Variants in AFF3 observed in about 807,000 individuals in gnomAD.
AFF3 encodes the protein AF4/FMR2 family member 3.
A neutral mutation model predicts 129.7 loss-of-function variants in AFF3; 32 were observed. The ratio of observed to expected loss-of-function variants is 0.25; its 90% CI spans 0.19 to 0.33. The LOEUF is 0.33. Among genes scored for constraint, AFF3 ranks in the 10% least tolerant of loss-of-function variants. AFF3 has a pLI of 1.00. For missense variants in AFF3, 1,373 were observed against 1,592.0 expected (o/e 0.86, Z 2.34); for synonymous variants, 644 against 635.4 (o/e 1.01, Z -0.20).
intron 7 of AFF3, among the ~76,000 whole-genome samples, chr2:99,991,061 C>A (rs796106021): frequency 3.9e-5 from 6 of 152,246 alleles, no homozygotes; most frequent in African/African-American, 1.4e-4. Flanking sequence ...ACCCGTGGAA[C>A]CATCATGTTC....
chr2:99,978,543 T>C (rs72953796), intron 7 of AFF3, among the ~76,000 whole-genome samples: 1,858 of 151,986 alleles, frequency 0.012, 30 homozygotes, highest in African/African-American at 0.042. Context: ...AACATCATTC[T>C]CCCCCCAGAC....
intron 7 of AFF3, among the ~76,000 whole-genome samples, chr2:99,935,205 C>G (rs1351170481): frequency 6.6e-6 from 1 of 152,186 alleles, no homozygotes; most frequent in Non-Finnish European, 1.5e-5. Context: ...GAATCCCTGT[C>G]AACATGGTAT....
At chr2:99,553,586 C>G (rs1208307577) in intron 24 of AFF3, among the ~76,000 whole-genome samples, 2 of 152,004 alleles carry the variant, frequency 1.3e-5, no homozygotes, top group Non-Finnish European at 2.9e-5. Flanking sequence ...TGTTGACCCC[C>G]AAATTTTATT....
chr2:99,729,689 G>A (rs573160680), intron 10 of AFF3, among the ~76,000 whole-genome samples: 2 of 152,114 alleles, frequency 1.3e-5, no homozygotes, highest in African/African-American at 4.8e-5. Context: ...AATGATGAAT[G>A]TAATGGAACA....
intron 8 of AFF3, among the ~76,000 whole-genome samples, chr2:99,770,046 C>T (rs969662834): frequency 2.0e-5 from 3 of 152,208 alleles, no homozygotes; most frequent in Admixed American, 6.5e-5. Context: ...GACGGTGAAG[C>T]CAGCTGGGTT....
intron 4 of AFF3, among the ~76,000 whole-genome samples, chr2:100,033,608 C>T (rs950873135): frequency 1.3e-5 from 2 of 152,012 alleles, no homozygotes; most frequent in Non-Finnish European, 2.9e-5. Flanking sequence ...GAAGAGGAAA[C>T]AATATAGAAT....
intron 8 of AFF3, among the ~76,000 whole-genome samples, chr2:99,805,882 G>A (rs562980349): frequency 1.3e-5 from 2 of 149,740 alleles, no homozygotes; most frequent in South Asian, 2.1e-4. Context: ...CTCTTTTCAT[G>A]GAACAGGATG....
Position 99,560,451 on chromosome 2 carries a change from G to C in AFF3, c.3120-15C>G. 6.2e-7 allele frequency: 1 copy of C among 1,609,102 alleles called. No individual in the cohort carries two copies. Among genetic ancestry groups the C allele is most frequent in the Non-Finnish European group, 8.5e-7 (1 of 1,177,510 alleles). ...TCATAGCATACCTTAGAAAAAGCGG[G>C]GAGGAGGAATAGAATAAAAAACATA... On this transcript the variant is annotated splice_polypyrimidine_tract_variant and intron_variant, in intron 20 of 24. Coordinates refer to ENST00000672756, the MANE Select transcript of AFF3 (RefSeq NM_001386135.1).
chr2:99,746,804 G>A (rs189673868), intron 9 of AFF3, among the ~76,000 whole-genome samples: 1 of 152,068 alleles, frequency 6.6e-6, no homozygotes, highest in Admixed American at 6.5e-5. Flanking sequence ...TTTAACTTTG[G>A]CACGTGAAAA....
intron 12 of AFF3, among the ~76,000 whole-genome samples, chr2:99,666,728 A>G (rs1686707752): frequency 6.6e-6 from 1 of 152,248 alleles, no homozygotes; most frequent in African/African-American, 2.4e-5. Context: ...TTATGAAAGC[A>G]TTAATCAAAA....
Position 99,967,314 on chromosome 2 carries a change from C to T in AFF3, c.873+39318G>A, listed in dbSNP as rs563021249. Among the ~76,000 whole-genome samples, 30 of 151,330 alleles carry T rather than the reference C, an allele frequency of 2.0e-4. No homozygotes were observed. The South Asian group carries it at 5.9e-3, about 30-fold the overall frequency. The stretch of plus-strand genomic sequence containing the variant: ...CCCCCCGCCCCCAAGCACTTTAATG[C>T]TGATGACTTCCATCTTCACATCTTG... On this transcript the variant is annotated intron_variant, in intron 7 of 24. Coordinates refer to ENST00000672756, the MANE Select transcript of AFF3 (RefSeq NM_001386135.1).
chr2:99,582,711 G>A, intron 17 of AFF3, 87 bp downstream of exon 17: 1 of 1,439,924 alleles, frequency 6.9e-7, no homozygotes, highest in Admixed American at 1.7e-5. Context: ...TCAAGCATGT[G>A]TTCAGACTGT....
intron 7 of AFF3, among the ~76,000 whole-genome samples, chr2:99,914,649 C>T (rs1695337347): frequency 6.6e-6 from 1 of 152,198 alleles, no homozygotes; most frequent in Non-Finnish European, 1.5e-5. Context: ...TGTGCAGTGG[C>T]TCATGCCTGT....
At chr2:99,944,745 C>A (rs1017164041) in intron 7 of AFF3, among the ~76,000 whole-genome samples, 1 of 152,122 alleles carries the variant, frequency 6.6e-6, no homozygotes, top group Non-Finnish European at 1.5e-5. Context: ...AGAGCTGCCA[C>A]GGGGCTCGCC....
intron 7 of AFF3, among the ~76,000 whole-genome samples, chr2:99,877,993 C>G (rs140695613): frequency 2.0e-5 from 3 of 152,322 alleles, no homozygotes; most frequent in Admixed American, 6.5e-5. Flanking sequence ...ACCCTCAACA[C>G]TGCTCCCCAG....
intron 7 of AFF3, among the ~76,000 whole-genome samples, chr2:99,893,571 T>C (rs1166527603): frequency 6.6e-6 from 1 of 152,116 alleles, no homozygotes; most frequent in Non-Finnish European, 1.5e-5. Flanking sequence ...GGACTGGGGC[T>C]CTCACCAAAC....
At position 99,572,982 on chromosome 2, in the gene AFF3, C is replaced by T. The variant is rs994853967; in HGVS notation, c.2919-4067G>A. ...CACAAGCGGTCATTCACTGTTTCTT[C>T]AGGCCACAGGACTGCTTCCCTCTCA... On this transcript the variant is annotated intron_variant, in intron 18 of 24. Transcript: ENST00000672756. 5.9e-5 allele frequency among the ~76,000 whole-genome samples: 9 copies of T among 152,290 alleles called. No homozygotes were observed. The South Asian group carries it at 1.7e-3, about 28-fold the overall frequency.
chr2:99,758,093 G>C (rs143475318), intron 8 of AFF3, among the ~76,000 whole-genome samples: 159 of 152,328 alleles, frequency 1.0e-3, no homozygotes, highest in African/African-American at 3.7e-3. Flanking sequence ...ACATTCAGCA[G>C]TGAATCTCTG....
intron 11 of AFF3, among the ~76,000 whole-genome samples, chr2:99,705,593 G>A (rs1677284419): frequency 2.0e-5 from 3 of 152,068 alleles, no homozygotes; most frequent in Non-Finnish European, 2.9e-5. Flanking sequence ...CTTTGGGTTG[G>A]CTGGGCATGG....
Sources: gnomAD v4.1 joint callset for allele counts (sites outside exome capture counted in the v4.1 genomes callset) on GRCh38, gnomAD v4.1.1 for gene constraint, MANE v1.5 for transcripts, NCBI Gene and HGNC (gene_info 2026-07-23, HGNC 2026-07-21) for gene names.